Variants in FOCAD observed in about 807,000 individuals in gnomAD.
FOCAD encodes the protein KIAA1797.
In FOCAD, 198 loss-of-function variants were observed where a neutral mutation model predicts 225.6. That is an observed-to-expected ratio of 0.88 (90% CI 0.78 to 0.99). FOCAD has a LOEUF of 0.99. FOCAD is among the 50% of genes least tolerant of loss of function. The pLI, the probability that FOCAD is intolerant of heterozygous loss-of-function variation, is 0.00. For synonymous variants in FOCAD, 897 were observed against 755.0 expected, an observed-to-expected ratio of 1.19 and a Z score of -3.08; for missense variants, 2,713 against 2,123.6, an observed-to-expected ratio of 1.28 and a Z score of -5.46.
intron 11 of FOCAD, among the ~76,000 whole-genome samples, chr9:20,790,396 A>G (rs1186586201): frequency 6.6e-6 from 1 of 152,278 alleles, no homozygotes; most frequent in East Asian, 1.9e-4. Flanking sequence ...TGATGAAGAA[A>G]CCTTCCATCT....
intron 1 of FOCAD, among the ~76,000 whole-genome samples, chr9:20,695,781 G>A (rs1823319783): frequency 6.6e-6 from 1 of 152,210 alleles, no homozygotes; most frequent in African/African-American, 2.4e-5. Context: ...TACAGGGATT[G>A]GAAATTGGAT....
rs577805934 is a variant in FOCAD, at chr9:20,995,447, C to T, written c.5333-109C>T. 439 of 757,056 alleles carry T rather than the reference C, an allele frequency of 5.8e-4. 1 individual carries two copies. The African/African-American group carries it at 7.1e-3, about 12-fold the overall frequency. 46.9% of individuals were successfully genotyped at this position (757,056 alleles called of 1,614,324 possible). On this transcript the variant is annotated intron_variant, in intron 43 of 43. Coordinates refer to ENST00000338382, the MANE Select transcript of FOCAD (RefSeq NM_001375567.1). ...TCCTGCCAAAATATCGATGGAACTC[C>T]CTAGTCTTGAACATTAGCCAAGTGA...
rs561538432 is a variant in FOCAD at position 20,823,820 on chromosome 9, G to T, written c.1920+705G>T. On this transcript the variant is annotated intron_variant, in intron 15 of 43. Transcript: ENST00000338382. ...AGTTATGGTTGATAATGATAGTAAT[G>T]AATATAATGATCTGATAATATAAGT... 7.0e-4 allele frequency among the ~76,000 whole-genome samples: 107 copies of T among 152,216 alleles called. 1 individual carries two copies. Among genetic ancestry groups the T allele is most frequent in the African/African-American group, 2.5e-3 (103 of 41,560 alleles).
chr9:20,862,971 T>G (rs1039492246), intron 16 of FOCAD: 3 of 272,034 alleles, frequency 1.1e-5, no homozygotes, highest in Non-Finnish European at 2.0e-5. Context: ...AACTAGTGTT[T>G]CCAAAATAAT....
chr9:20,900,608 A>T (rs1443053999), intron 21 of FOCAD, among the ~76,000 whole-genome samples: 1 of 151,966 alleles, frequency 6.6e-6, no homozygotes, highest in Non-Finnish European at 1.5e-5. Flanking sequence ...TAATGTTAGC[A>T]TCTGTGCAAT....
rs1226099322 is a variant in FOCAD at position 20,738,377 on chromosome 9, TG to T, written c.288-1856del. On this transcript the variant is annotated intron_variant, in intron 4 of 43. Transcript: ENST00000338382. ...ACAGTGAGATTCACTGGCCATTTTG[TG>T]GGCCAAAGTACCATAGAATTGACAC... is the stretch of plus-strand genomic sequence containing the variant. 3.3e-5 allele frequency among the ~76,000 whole-genome samples: 5 copies of T among 152,338 alleles called. No homozygotes were observed. In the East Asian group the frequency reaches 5.8e-4, roughly 18 times the overall value.
intron 15 of FOCAD, among the ~76,000 whole-genome samples, chr9:20,837,161 G>A (rs1480864106): frequency 6.6e-6 from 1 of 151,930 alleles, no homozygotes; most frequent in African/African-American, 2.4e-5. Flanking sequence ...TATCCATTTT[G>A]GGGGTTTATT....
chr9:20,660,517 A>G (rs1587168262), intron 2 of FOCAD, among the ~76,000 whole-genome samples: 2 of 125,946 alleles, frequency 1.6e-5, no homozygotes, highest in African/African-American at 3.3e-5. Context: ...GAAGATTTCT[A>G]TAGGGTGAGA....
intron 24 of FOCAD, among the ~76,000 whole-genome samples, chr9:20,919,826 G>T (rs1472040459): frequency 6.6e-6 from 1 of 152,046 alleles, no homozygotes; most frequent in Admixed American, 6.5e-5. Context: ...ATGGATTAAA[G>T]ACTTACATGT....
At chr9:20,871,778 G>C (rs1829796600) in intron 18 of FOCAD, among the ~76,000 whole-genome samples, 1 of 133,682 alleles carries the variant, frequency 7.5e-6, no homozygotes, top group Non-Finnish European at 1.6e-5. Flanking sequence ...GGTGGGGGGA[G>C]GGGTAGCATT....
rs1037236153 is a variant in FOCAD at position 20,718,003 on chromosome 9, C to G, written c.132+135C>G. On this transcript the variant is annotated intron_variant, in intron 3 of 43. Coordinates refer to ENST00000338382, the MANE Select transcript of FOCAD (RefSeq NM_001375567.1). The stretch of plus-strand genomic sequence containing the variant: ...TTTTGAACTGTGAGAACTTCATTGC[C>G]TTTTTTGTTTATTTGTTTGCCTTTT... 4 of 608,282 alleles carry G rather than the reference C, an allele frequency of 6.6e-6. No individual in the cohort carries two copies. In the Admixed American group the frequency reaches 1.3e-4, roughly 20 times the overall value. 37.7% of individuals were successfully genotyped at this position (608,282 alleles called of 1,614,324 possible).
chr9:20,683,379 T>G (rs1356453862), upstream of FOCAD: 3 of 152,096 alleles, frequency 2.0e-5, no homozygotes, highest in African/African-American at 7.2e-5. Flanking sequence ...TTAGAGTAAT[T>G]TGTCTTAACT....
chr9:20,767,277 A>G (rs915987254), intron 7 of FOCAD, among the ~76,000 whole-genome samples: 11 of 150,672 alleles, frequency 7.3e-5, no homozygotes, highest in Admixed American at 4.0e-4. Context: ...TAATGCCGCA[A>G]TAAACATACG....
chr9:20,862,768 A>G, intron 16 of FOCAD, 56 bp downstream of exon 16: 3 of 1,558,630 alleles, frequency 1.9e-6, no homozygotes, highest in Non-Finnish European at 2.6e-6. Flanking sequence ...GATGTGTGTT[A>G]TAATAACTTT....
At chr9:20,964,723 A>C (rs969140060) in intron 35 of FOCAD, among the ~76,000 whole-genome samples, 8 of 152,120 alleles carry the variant, frequency 5.3e-5, no homozygotes, top group African/African-American at 1.9e-4. Flanking sequence ...TTTAGTAGAG[A>C]CAGGCTTTCA....
At chr9:20,907,026 C>T in intron 21 of FOCAD, 124 bp from the exon 22 acceptor site, 1 of 680,064 alleles carries the variant, frequency 1.5e-6, no homozygotes, top group Non-Finnish European at 2.5e-6. Context: ...TGATCCTAGA[C>T]TGATTTGGTT....
chr9:20,985,397 CA>C (rs1172203545), intron 39 of FOCAD, among the ~76,000 whole-genome samples: 1 of 152,134 alleles, frequency 6.6e-6, no homozygotes, highest in Non-Finnish European at 1.5e-5. Context: ...GAAGCAGAAA[CA>C]AATTTTCCAA....
intron 1 of FOCAD, among the ~76,000 whole-genome samples, chr9:20,693,516 T>C (rs1214066847): frequency 1.3e-5 from 2 of 152,184 alleles, no homozygotes; most frequent in Non-Finnish European, 2.9e-5. Context: ...GGGATTTTTC[T>C]CTGTTTTCCC....
chr9:20,903,807 A>G (rs1380687053), intron 21 of FOCAD, among the ~76,000 whole-genome samples: 8 of 152,008 alleles, frequency 5.3e-5, no homozygotes, highest in African/African-American at 1.7e-4. Flanking sequence ...TACATATACA[A>G]TGTTGTACAA....
Sources: gnomAD v4.1 joint callset for allele counts (sites outside exome capture counted in the v4.1 genomes callset) on GRCh38, gnomAD v4.1.1 for gene constraint, MANE v1.5 for transcripts, NCBI Gene and HGNC (gene_info 2026-07-23, HGNC 2026-07-21) for gene names.